RHBDD1: variants seen among roughly 807,000 people sequenced by gnomAD.
RHBDD1 encodes rhomboid-related protein 4.
RHBDD1 carries 38 observed loss-of-function variants against 36.3 expected under a neutral mutation model. That is an observed-to-expected ratio of 1.05 (90% CI 0.81 to 1.37). The LOEUF (loss-of-function observed/expected upper bound fraction) is 1.37, where lower values mean the gene tolerates loss of function less well. Ranked by LOEUF, RHBDD1 falls within the 40% of genes most tolerant of loss-of-function variation. The pLI is 0.00. For missense variants in RHBDD1, 393 were observed against 377.6 expected, an observed-to-expected ratio of 1.04 and a Z score of -0.34; for synonymous variants, 151 against 136.5, an observed-to-expected ratio of 1.11 and a Z score of -0.74.
intron 3 of RHBDD1, among the ~76,000 whole-genome samples, chr2:226,844,315 A>G (rs988815332): frequency 6.7e-6 from 1 of 150,348 alleles, no homozygotes; most frequent in African/African-American, 2.5e-5. Flanking sequence ...ACCGCATCCA[A>G]TGGGAGTGGG....
chr2:226,957,203 T>C (rs1951843202), intron 8 of RHBDD1, among the ~76,000 whole-genome samples: 1 of 152,202 alleles, frequency 6.6e-6, no homozygotes, highest in Non-Finnish European at 1.5e-5. Context: ...GTACTTGATA[T>C]GGCTTGCTAC....
At chr2:226,874,338 AT>A (rs1945037537) in intron 5 of RHBDD1, among the ~76,000 whole-genome samples, 2 of 152,150 alleles carry the variant, frequency 1.3e-5, no homozygotes, top group South Asian at 4.1e-4. Context: ...AGGAAATGGT[AT>A]TGGAGGCAGA....
intron 5 of RHBDD1, among the ~76,000 whole-genome samples, chr2:226,879,037 C>T (rs931188586): frequency 7.7e-6 from 1 of 129,852 alleles, no homozygotes; most frequent in Non-Finnish European, 1.6e-5. Flanking sequence ...ATTAAAAGGA[C>T]GTGAAATCAA....
At chr2:226,853,706 G>A (rs1943055717) in intron 3 of RHBDD1, among the ~76,000 whole-genome samples, 1 of 152,240 alleles carries the variant, frequency 6.6e-6, no homozygotes, top group Non-Finnish European at 1.5e-5. Flanking sequence ...TGTGTGGGAT[G>A]CATGTGAAAT....
rs1553563494 is a variant in RHBDD1 at position 226,908,605 on chromosome 2, A to ACACACACC, written c.656-210_656-209insCCACACAC. 9.2e-6 allele frequency: 5 copies of ACACACACC among 545,546 alleles called. No individual in the cohort carries two copies. In the African/African-American group the frequency reaches 1.0e-4, roughly 11 times the overall value. 33.8% of individuals were successfully genotyped at this position (545,546 alleles called of 1,614,324 possible). A position where few individuals can be genotyped will look rare whatever the true frequency, so the allele number is the denominator to read the frequency against. On this transcript the variant is annotated intron_variant, in intron 6 of 8. Coordinates refer to ENST00000392062, the MANE Select transcript of RHBDD1 (RefSeq NM_001167608.3). ...ACTACACACACACACACACACACAC[A>ACACACACC]CACACACACACACACATTCTTTTCC...
At chr2:226,923,508 T>G (rs1158987327) in intron 8 of RHBDD1, among the ~76,000 whole-genome samples, 1 of 152,116 alleles carries the variant, frequency 6.6e-6, no homozygotes, top group Admixed American at 6.6e-5. Context: ...CTTATTTGGG[T>G]CAAATCTGTT....
chr2:226,917,889 G>T (rs1453243527), intron 8 of RHBDD1, among the ~76,000 whole-genome samples: 1 of 151,898 alleles, frequency 6.6e-6, no homozygotes, highest in Non-Finnish European at 1.5e-5. Context: ...AAAAAGAAAA[G>T]AAATCATAAA....
intron 5 of RHBDD1, chr2:226,869,119 T>C (rs964966627): frequency 2.1e-6 from 2 of 945,434 alleles, no homozygotes; most frequent in Non-Finnish European, 1.3e-6. Flanking sequence ...TCTGAAGTGC[T>C]TTTTATGCAT....
intron 8 of RHBDD1, among the ~76,000 whole-genome samples, chr2:226,917,204 T>G (rs1575091663): frequency 6.6e-6 from 1 of 152,200 alleles, no homozygotes; most frequent in African/African-American, 2.4e-5. Flanking sequence ...ACAGGCTACC[T>G]TCAGAGATTT....
chr2:226,907,698 C>T (rs2125650687), intron 6 of RHBDD1, among the ~76,000 whole-genome samples: 1 of 152,334 alleles, frequency 6.6e-6, no homozygotes, highest in East Asian at 1.9e-4. Flanking sequence ...TTTCCAGGCA[C>T]TGCACTGGCA....
chr2:226,808,990 G>C, the RHBDD1 span, among the ~76,000 whole-genome samples: 1 of 152,208 alleles, frequency 6.6e-6, no homozygotes, highest in African/African-American at 2.4e-5. Context: ...AGTTTCAGGT[G>C]CTTATTGATC....
At chr2:226,801,568 A>G in the RHBDD1 span, among the ~76,000 whole-genome samples, 1 of 152,096 alleles carries the variant, frequency 6.6e-6, no homozygotes, top group African/African-American at 2.4e-5. Context: ...AAACCTGGTT[A>G]ATCTATAATT....
the RHBDD1 span, among the ~76,000 whole-genome samples, chr2:226,816,765 A>G: frequency 2.0e-5 from 3 of 152,066 alleles, no homozygotes; most frequent in African/African-American, 7.2e-5. Flanking sequence ...GCATGGTGGC[A>G]GGCACCTGTA....
At chr2:226,856,316 C>T (rs951647392) in intron 3 of RHBDD1, among the ~76,000 whole-genome samples, 5 of 152,082 alleles carry the variant, frequency 3.3e-5, no homozygotes, top group East Asian at 1.9e-4. Context: ...TTAATAAATT[C>T]GTGTTTTTCA....
chr2:226,907,901 A>G (rs1948183405), intron 6 of RHBDD1, among the ~76,000 whole-genome samples: 1 of 152,178 alleles, frequency 6.6e-6, no homozygotes, highest in Non-Finnish European at 1.5e-5. Context: ...ACTCATTAGT[A>G]CTGATAAAAG....
At chr2:226,841,763 G>T (rs868774617) in intron 3 of RHBDD1, among the ~76,000 whole-genome samples, 3 of 152,260 alleles carry the variant, frequency 2.0e-5, no homozygotes, top group Middle Eastern at 6.8e-3. Context: ...ACATATGCAT[G>T]CATGTATCTT....
chr2:226,939,538 C>A (rs1256748439), intron 8 of RHBDD1, among the ~76,000 whole-genome samples: 1 of 151,834 alleles, frequency 6.6e-6, no homozygotes, highest in African/African-American at 2.4e-5. Context: ...GCTACAGATG[C>A]CGAGGAGTAC....
chr2:226,808,591 C>T, the RHBDD1 span: 1 of 152,230 alleles, frequency 6.6e-6, no homozygotes, highest in East Asian at 1.9e-4. Context: ...CATCCGGTCT[C>T]TCCATGTGAC....
chr2:226,879,712 T>C (rs1945546499), intron 5 of RHBDD1, among the ~76,000 whole-genome samples: 1 of 152,144 alleles, frequency 6.6e-6, no homozygotes, highest in Non-Finnish European at 1.5e-5. Flanking sequence ...TAAAAACCAA[T>C]GGATATAGGG....
Sources: allele counts gnomAD v4.1 joint callset (sites outside exome capture counted in the v4.1 genomes callset), GRCh38; gene constraint gnomAD v4.1.1; transcripts MANE v1.5; gene names NCBI Gene and HGNC (gene_info 2026-07-23, HGNC 2026-07-21).